The following TSHZ3 variants were observed in gnomAD, a reference collection of about 807,000 sequenced individuals.
The protein encoded by TSHZ3 is teashirt homolog 3.
TSHZ3 carries 10 observed loss-of-function variants against 64.5 expected under a neutral mutation model. That is an observed-to-expected ratio of 0.16 (90% CI 0.10 to 0.26). TSHZ3 has a LOEUF of 0.26. Ranked by LOEUF, TSHZ3 falls within the 10% of genes least tolerant of loss-of-function variation. The probability of loss-of-function intolerance (pLI) is 1.00; values close to 1 mark genes in which losing one functional copy is unlikely to be tolerated. For synonymous variants in TSHZ3, 608 were observed against 593.1 expected (o/e 1.03, Z -0.36); for missense variants, 1,242 against 1,421.7 (o/e 0.87, Z 2.03).
At position 31,279,051 on chromosome 19, in the gene TSHZ3, T is replaced by C; in HGVS notation, c.742A>G (p.Asn248Asp). The part of the protein sequence containing the change: ...HYRDDNHETD[N>D]NNPKRWSKPR... Reference sequence around the variant, plus strand: ...TTGGACCAGCGCTTGGGGTTGTTGTTATCGGTCTCATGGTTGTCGTCGCGG... The same window carrying C: ...TTGGACCAGCGCTTGGGGTTGTTGTCATCGGTCTCATGGTTGTCGTCGCGG... Residue 248 changes from asparagine to aspartate, a missense_variant, in exon 2 of 2, where the codon AAC becomes GAC. By Grantham distance (23) the Asn-to-Asp change is conservative. Coordinates refer to ENST00000240587, the MANE Select transcript of TSHZ3 (RefSeq NM_020856.4). The surrounding 1 kb of genome is among the most constrained non-coding windows in gnomAD (Gnocchi z 6.4). 3 of 1,614,074 alleles carry C rather than the reference T, an allele frequency of 1.9e-6. No homozygotes were observed. The highest frequency in any genetic ancestry group is 2.5e-6 in the Non-Finnish European group (3 of 1,179,986).
rs148147153 is a variant in TSHZ3, at chr19:31,302,924, C to T, written c.41-23172G>A. 1.6e-3 allele frequency among the ~76,000 whole-genome samples: 241 copies of T among 151,818 alleles called. 2 individuals carry two copies. The highest frequency in any genetic ancestry group is 5.5e-3 in the African/African-American group (225 of 41,114). On this transcript the variant is annotated intron_variant, in intron 1 of 1. Transcript: ENST00000240587. ...GAAATAAGATGTCACAGGTAAACAA[C>T]GTGGCTTGAGTTCATCTTTAGTTTT...
chr19:31,157,927 C>T (rs1974326998), intron 5 of TSHZ3, among the ~76,000 whole-genome samples: 1 of 152,226 alleles, frequency 6.6e-6, no homozygotes, highest in African/African-American at 2.4e-5. Context: ...CCCAGCCCTG[C>T]CTCACCCTGT....
intron 1 of TSHZ3, among the ~76,000 whole-genome samples, chr19:31,265,131 T>G (rs570211548): frequency 6.6e-6 from 1 of 151,984 alleles, no homozygotes; most frequent in South Asian, 2.1e-4. Flanking sequence ...GTGCAGTGGA[T>G]CATGCCTGTA....
intron 1 of TSHZ3, among the ~76,000 whole-genome samples, chr19:31,338,579 T>C (rs1917323100): frequency 7.3e-6 from 1 of 136,564 alleles, no homozygotes; most frequent in Non-Finnish European, 1.6e-5. Context: ...TCTTTTTTTT[T>C]TCTTTTTTTT....
chr19:31,157,839 C>T (rs994423980), intron 5 of TSHZ3, among the ~76,000 whole-genome samples: 55 of 152,164 alleles, frequency 3.6e-4, no homozygotes, highest in African/African-American at 1.3e-3. Flanking sequence ...CAACATTATG[C>T]TCCCAAGGGA....
intron 1 of TSHZ3, among the ~76,000 whole-genome samples, chr19:31,245,537 C>T (rs1332866404): frequency 6.6e-6 from 1 of 152,188 alleles, no homozygotes; most frequent in African/African-American, 2.4e-5. Flanking sequence ...GAAGGTTCTT[C>T]TGCCTGGTAA....
intron 1 of TSHZ3, among the ~76,000 whole-genome samples, chr19:31,263,901 T>C (rs1478510371): frequency 6.6e-6 from 1 of 152,176 alleles, no homozygotes; most frequent in Non-Finnish European, 1.5e-5. Flanking sequence ...GAATGAGTTG[T>C]ACGGGGTAGC....
At chr19:31,192,920 C>T (rs573575158) in intron 5 of TSHZ3, among the ~76,000 whole-genome samples, 4 of 152,246 alleles carry the variant, frequency 2.6e-5, no homozygotes, top group East Asian at 1.9e-4. Context: ...CAGGGAGATG[C>T]GTGGAGAAGG....
chr19:31,253,670 A>G (rs1599605982), intron 1 of TSHZ3, among the ~76,000 whole-genome samples: 1 of 152,246 alleles, frequency 6.6e-6, no homozygotes, highest in African/African-American at 2.4e-5. Flanking sequence ...CTGCAAAATG[A>G]TCATATATGT....
chr19:31,294,801 A>T (rs1289669940), intron 1 of TSHZ3, among the ~76,000 whole-genome samples: 1 of 152,068 alleles, frequency 6.6e-6, no homozygotes. Context: ...TAGATCAGGA[A>T]CCCTTAACAC....
chr19:31,186,800 T>A (rs1974816713), intron 5 of TSHZ3, among the ~76,000 whole-genome samples: 2 of 152,186 alleles, frequency 1.3e-5, no homozygotes, highest in South Asian at 2.1e-4. Context: ...TTAATTTTCA[T>A]CCTCCTTCTG....
intron 5 of TSHZ3, chr19:31,167,927 T>G (rs941182905): frequency 1.3e-5 from 2 of 150,028 alleles, no homozygotes; most frequent in Admixed American, 1.3e-4. Flanking sequence ...ATTATTCAAC[T>G]GCTCAAATGT....
intron 5 of TSHZ3, among the ~76,000 whole-genome samples, chr19:31,185,991 G>C (rs189165070): frequency 6.6e-6 from 1 of 152,100 alleles, no homozygotes; most frequent in African/African-American, 2.4e-5. Context: ...TCTCTGTTGC[G>C]CATAACCATA....
Position 31,220,139 on chromosome 19 carries a change from T to G in TSHZ3, n.686+7866A>C, listed in dbSNP as rs1356229977. Among the ~76,000 whole-genome samples, 4 of 152,120 alleles carry G rather than the reference T, an allele frequency of 2.6e-5. No individual in the cohort carries two copies. The South Asian group carries it at 8.3e-4, about 32-fold the overall frequency. On this transcript the variant is annotated intron_variant and non_coding_transcript_variant, in intron 4 of 6. Coordinates refer to the TSHZ3 transcript ENST00000651361. ...TCTGTATGAAATAAAAATGGAGAGA[T>G]AGATTTAAGAGGAACTATAACTATG... is the stretch of plus-strand genomic sequence containing the variant.
intron 1 of TSHZ3, among the ~76,000 whole-genome samples, chr19:31,291,001 T>A (rs1470465371): frequency 6.6e-6 from 1 of 152,252 alleles, no homozygotes; most frequent in Non-Finnish European, 1.5e-5. Context: ...CTGCAATGCT[T>A]TCATCCCAAG....
chr19:31,336,657 G>A (rs562273343), intron 1 of TSHZ3, among the ~76,000 whole-genome samples: 76 of 152,272 alleles, frequency 5.0e-4, no homozygotes, highest in Non-Finnish European at 1.0e-3. Context: ...CCAGTTCTTC[G>A]GGGTCTGAGA....
At chr19:31,150,122 CA>C (rs1568330476) in exon 7 of TSHZ3, among the ~76,000 whole-genome samples, 4 of 151,818 alleles carry the variant, frequency 2.6e-5, no homozygotes, top group Admixed American at 1.3e-4. Flanking sequence ...AAAACTTTTG[CA>C]TGCAAAATGT....
intron 1 of TSHZ3, among the ~76,000 whole-genome samples, chr19:31,321,795 T>C (rs1474603543): frequency 6.6e-6 from 1 of 152,004 alleles, no homozygotes; most frequent in Non-Finnish European, 1.5e-5. Context: ...ATATATATTA[T>C]GTATGAGTAA....
intron 1 of TSHZ3, among the ~76,000 whole-genome samples, chr19:31,288,132 CT>C (rs892819016): frequency 1.4e-3 from 220 of 151,794 alleles, no homozygotes; most frequent in African/African-American, 4.9e-3. Flanking sequence ...TTTGTTAATC[CT>C]TTTTTTTATT....
Sources: gnomAD v4.1 joint callset for allele counts (sites outside exome capture counted in the v4.1 genomes callset) on GRCh38, gnomAD v4.1.1 for gene constraint, Gnocchi (gnomAD v3.1) non-coding constraint, MANE v1.5 for transcripts, NCBI Gene and HGNC (gene_info 2026-07-23, HGNC 2026-07-21) for gene names.